The following ST3GAL2 variants were observed in gnomAD, a reference collection of about 807,000 sequenced individuals.
ST3GAL2 encodes the protein ST3 beta-galactoside alpha-2,3-sialyltransferase 2.
Under a neutral mutation model 37.5 loss-of-function variants are expected in ST3GAL2, and 16 were observed. The observed-to-expected ratio is 0.43, with a 90% CI of 0.29 to 0.65. ST3GAL2 has a LOEUF of 0.65. Ranked by LOEUF, ST3GAL2 falls within the 30% of genes least tolerant of loss-of-function variation. The pLI, the probability that ST3GAL2 is intolerant of heterozygous loss-of-function variation, is 0.17. For missense variants in ST3GAL2, 383 were observed against 487.8 expected (o/e 0.79, Z 2.02); for synonymous variants, 238 against 202.9 (o/e 1.17, Z -1.47).
intron 1 of ST3GAL2, among the ~76,000 whole-genome samples, chr16:70,432,494 G>A (rs374001294): frequency 2.0e-5 from 3 of 150,400 alleles, no homozygotes; most frequent in East Asian, 4.0e-4. Flanking sequence ...GGTCCACAAC[G>A]GCAACATGGA....
intron 1 of ST3GAL2, among the ~76,000 whole-genome samples, chr16:70,415,932 C>T (rs763559292): frequency 3.3e-5 from 5 of 151,230 alleles, no homozygotes; most frequent in African/African-American, 7.3e-5. Context: ...CGCGCCACCA[C>T]GCCCAGCTAA....
At chr16:70,382,341 G>A (rs1015669410) in intron 6 of ST3GAL2, among the ~76,000 whole-genome samples, 1 of 152,046 alleles carries the variant, frequency 6.6e-6, no homozygotes. Context: ...GGAGTGCAAT[G>A]CCGCTATCTC....
chr16:70,391,832 C>G (rs994711205), intron 3 of ST3GAL2, among the ~76,000 whole-genome samples: 2 of 152,200 alleles, frequency 1.3e-5, no homozygotes, highest in African/African-American at 4.8e-5. Context: ...TGGTTTCGAG[C>G]TCCTGGGCTC....
Position 70,382,760 on chromosome 16 carries a change from C to A in ST3GAL2, c.879+45G>T, listed in dbSNP as rs773603961. On this transcript the variant is annotated intron_variant, in intron 6 of 6. Transcript: ENST00000342907. ...CTAAGACCCGAGAAGGCCTGCACTC[C>A]TCTGTTCCATGGGTTCCCACCACCC... 46 of 1,612,428 alleles carry A rather than the reference C, an allele frequency of 2.9e-5. No homozygotes were observed. In the Admixed American group the frequency reaches 7.3e-4, roughly 26 times the overall value.
intron 1 of ST3GAL2, among the ~76,000 whole-genome samples, chr16:70,407,517 T>C (rs936946629): frequency 2.6e-5 from 4 of 152,202 alleles, no homozygotes; most frequent in Admixed American, 6.5e-5. Context: ...GTCCCCTGAA[T>C]GGCTGGTCCA....
chr16:70,413,702 C>T (rs865944514), intron 1 of ST3GAL2, among the ~76,000 whole-genome samples: 1 of 151,110 alleles, frequency 6.6e-6, no homozygotes, highest in Non-Finnish European at 1.5e-5. Flanking sequence ...TGCCATTGCA[C>T]TCCAGCCTGG....
intron 1 of ST3GAL2, 190 bp from the exon 2 acceptor site, chr16:70,399,723 G>A: frequency 3.0e-6 from 1 of 333,326 alleles, no homozygotes; most frequent in Admixed American, 4.9e-5. Flanking sequence ...AGGGCCTGGA[G>A]GACTAGATTA....
intron 1 of ST3GAL2, among the ~76,000 whole-genome samples, chr16:70,414,501 T>C (rs928385169): frequency 6.6e-6 from 1 of 152,206 alleles, no homozygotes; most frequent in South Asian, 2.1e-4. Flanking sequence ...ACACTGGCCA[T>C]ACAAACACCC....
At chr16:70,384,469 G>A (rs1050665205) in intron 4 of ST3GAL2, among the ~76,000 whole-genome samples, 1 of 152,186 alleles carries the variant, frequency 6.6e-6, no homozygotes, top group African/African-American at 2.4e-5. Flanking sequence ...CACTTTGGGA[G>A]GCCGAGGGGG....
At chr16:70,435,426 T>C (rs2047818253) in intron 1 of ST3GAL2, among the ~76,000 whole-genome samples, 1 of 151,894 alleles carries the variant, frequency 6.6e-6, no homozygotes, top group South Asian at 2.1e-4. Flanking sequence ...AGAAACTCCA[T>C]CTCTACTAAA....
In ST3GAL2 at chr16:70,395,103, C is replaced by T. The variant is rs774454666; in HGVS notation, c.412G>A (p.Glu138Lys). The T allele has an allele frequency of 2.2e-5, 35 of 1,613,860 alleles. No individual in the cohort carries two copies. Among genetic ancestry groups the T allele is most frequent in the Middle Eastern group, 3.3e-4 (2 of 6,062 alleles). ...GGGTCCCGGAAGCGGTAGGGGTTCT[C>T]GCCAGGCACTATCTGGAACAGCTTC... Reference protein sequence around the residue: ...LEKLFQIVPGENPYRFRDPHQ... With the variant: ...LEKLFQIVPGKNPYRFRDPHQ... The change falls in exon 3 of 7, where the codon GAG becomes AAG. Residue 138 changes from glutamate to lysine, a missense_variant. Physicochemically the swap from Glu to Lys is moderately conservative, Grantham distance 56. Transcript: ENST00000342907.
intron 3 of ST3GAL2, among the ~76,000 whole-genome samples, chr16:70,391,748 G>A (rs533868772): frequency 4.1e-4 from 62 of 152,314 alleles, no homozygotes; most frequent in Non-Finnish European, 4.1e-4. Flanking sequence ...GGCGGGGCAG[G>A]AGCTAGGATC....
In ST3GAL2 at chr16:70,437,952, C is replaced by A. The variant is rs1350084427; in HGVS notation, c.-1004+997G>T. Among the ~76,000 whole-genome samples the A allele has an allele frequency of 3.3e-5, 5 of 152,292 alleles. No individual in the cohort carries two copies. In the South Asian group the frequency reaches 1.0e-3, roughly 32 times the overall value. On this transcript the variant is annotated intron_variant, in intron 1 of 6. Coordinates refer to ENST00000342907, the MANE Select transcript of ST3GAL2 (RefSeq NM_006927.4). The stretch of plus-strand genomic sequence containing the variant: ...CCCGGAGGCTTTGACTGAAAAGAGG[C>A]CCCAGGTCCCTGCCTGCCCCCAGCA...
At chr16:70,404,352 C>T (rs1167822679) in intron 1 of ST3GAL2, among the ~76,000 whole-genome samples, 6 of 152,108 alleles carry the variant, frequency 3.9e-5, no homozygotes, top group Non-Finnish European at 8.8e-5. Flanking sequence ...AAAAGTAAGG[C>T]GAGGACTGAG....
chr16:70,410,386 G>A (rs1016026378), intron 1 of ST3GAL2, among the ~76,000 whole-genome samples: 1 of 150,838 alleles, frequency 6.6e-6, no homozygotes, highest in African/African-American at 2.4e-5. Flanking sequence ...CCGTAGCTGG[G>A]ACCACAGGTG....
Position 70,378,683 on chromosome 16 carries a change from G to A in ST3GAL2, c.*3006C>T. The A allele has an allele frequency of 7.0e-6, 1 of 141,934 alleles. No individual in the cohort carries two copies. Among genetic ancestry groups the A allele is most frequent in the East Asian group, 2.1e-4 (1 of 4,778 alleles). The allele number at this position is 141,934 out of a possible 1,614,324, so 8.8% of individuals were successfully genotyped here. A position where few individuals can be genotyped will look rare whatever the true frequency, so the allele number is the denominator to read the frequency against. ...CACCACTGCACTCCAGCCTGGGCGA[G>A]AGTGAGAATCAGTCTCAAAAAAAAA... On this transcript the variant is annotated 3_prime_UTR_variant, in exon 7 of 7. Transcript: ENST00000342907.
chr16:70,427,043 C>T (rs2047756691), intron 1 of ST3GAL2, among the ~76,000 whole-genome samples: 1 of 151,990 alleles, frequency 6.6e-6, no homozygotes, highest in East Asian at 1.9e-4. Context: ...CCGACATGGT[C>T]TCCCTATGTT....
In ST3GAL2 at chr16:70,398,710, C is replaced by T. The variant is rs2047535018; in HGVS notation, c.-180G>A. On this transcript the variant is annotated 5_prime_UTR_variant, in exon 2 of 7. In the 5' UTR this introduces an upstream ATG that the reference lacks. Coordinates refer to ENST00000342907, the MANE Select transcript of ST3GAL2 (RefSeq NM_006927.4). ...CCCTCCCTCATGTAGGGAGAACACACGTTGGCAGGAGTGGCTGTCCTGTCC... is the reference window on the plus strand; with the variant it reads ...CCCTCCCTCATGTAGGGAGAACACATGTTGGCAGGAGTGGCTGTCCTGTCC... 3 of 643,514 alleles carry T rather than the reference C, an allele frequency of 4.7e-6. No homozygotes were observed. The highest frequency in any genetic ancestry group is 2.7e-5 in the East Asian group (1 of 36,412). The allele number at this position is 643,514 out of a possible 1,614,324, so 39.9% of individuals were successfully genotyped here.
intron 1 of ST3GAL2, among the ~76,000 whole-genome samples, chr16:70,423,562 T>G (rs1247579653): frequency 1.3e-5 from 2 of 152,066 alleles, no homozygotes; most frequent in Non-Finnish European, 2.9e-5. Flanking sequence ...GCCCCCTGCC[T>G]GCAATTCAGA....
Sources: gnomAD v4.1 joint callset for allele counts (sites outside exome capture counted in the v4.1 genomes callset) on GRCh38, gnomAD v4.1.1 for gene constraint, MANE v1.5 for transcripts, NCBI Gene and HGNC (gene_info 2026-07-23, HGNC 2026-07-21) for gene names.